The following RBM26 variants were observed in gnomAD, a reference collection of about 807,000 sequenced individuals.
The protein encoded by RBM26 is RNA binding motif protein 26.
RBM26 carries 30 observed loss-of-function variants against 123.6 expected under a neutral mutation model. The ratio of observed to expected loss-of-function variants is 0.24; its 90% CI spans 0.18 to 0.33. RBM26 has a LOEUF of 0.33. Ranked by LOEUF, RBM26 falls within the 10% of genes least tolerant of loss-of-function variation. The probability of loss-of-function intolerance (pLI) is 1.00; values close to 1 mark genes in which losing one functional copy is unlikely to be tolerated. For missense variants in RBM26, 947 were observed against 1,203.6 expected (o/e 0.79, Z 3.15); for synonymous variants, 400 against 404.4 (o/e 0.99, Z 0.13).
At chr13:79,393,815 G>A (rs2140440153) in intron 1 of RBM26, among the ~76,000 whole-genome samples, 1 of 152,250 alleles carries the variant, frequency 6.6e-6, no homozygotes, top group South Asian at 2.1e-4. Flanking sequence ...GAATGATAGG[G>A]TTAAAGCCTA....
intron 1 of RBM26, among the ~76,000 whole-genome samples, chr13:79,384,750 A>G (rs1416269415): frequency 6.6e-6 from 1 of 152,244 alleles, no homozygotes; most frequent in African/African-American, 2.4e-5. Flanking sequence ...AAATATCTTT[A>G]AAAACTAAAT....
chr13:79,371,072 G>A lies in RBM26; in HGVS notation c.507C>T (p.Tyr169=), dbSNP rs367690374. ...PPRRDSYRDR[Y]NRRRGRSRSY... ...TGCGACTCCGCCCTCGTCTTCTATT[G>A]TACCGGTCTCTGTATGAATCTCTTC... The change falls in exon 5 of 22, where the codon TAC becomes TAT. Residue 169 remains tyrosine (Y), a synonymous_variant. Transcript: ENST00000438737. The A allele has an allele frequency of 1.5e-5, 25 of 1,613,950 alleles. No individual in the cohort carries two copies. In the African/African-American group the frequency reaches 2.9e-4, roughly 19 times the overall value.
In RBM26 at chr13:79,338,303, C is replaced by G. The variant is rs78382737; in HGVS notation, c.2533-1001G>C. ...ATGCTTTAAGATTCGAAAAGAACTT[C>G]AAAGATTTGCAGTGAATAACCCACT... is the stretch of plus-strand genomic sequence containing the variant. On this transcript the variant is annotated intron_variant, in intron 18 of 21. Coordinates refer to ENST00000438737, the MANE Select transcript of RBM26 (RefSeq NM_001366735.2). Among the ~76,000 whole-genome samples the G allele has an allele frequency of 8.7e-3, 1,319 of 152,228 alleles. 15 individuals carry two copies. The highest frequency in any genetic ancestry group is 0.03 in the African/African-American group (1,245 of 41,526).
intron 1 of RBM26, among the ~76,000 whole-genome samples, chr13:79,393,566 G>C (rs1223753527): frequency 6.6e-6 from 1 of 152,170 alleles, no homozygotes; most frequent in Non-Finnish European, 1.5e-5. Flanking sequence ...TTCCCTACTT[G>C]TAAGAGACCT....
intron 1 of RBM26, among the ~76,000 whole-genome samples, chr13:79,382,439 AAAG>A (rs1361887748): frequency 1.3e-5 from 2 of 152,134 alleles, no homozygotes; most frequent in Middle Eastern, 6.3e-3. Context: ...TCGGGGAAAA[AAAG>A]AATCAAGTTT....
At chr13:79,401,510 GAT>G (rs1326495184) in intron 1 of RBM26, among the ~76,000 whole-genome samples, 1 of 152,168 alleles carries the variant, frequency 6.6e-6, no homozygotes, top group East Asian at 1.9e-4. Flanking sequence ...AAAATGGAGA[GAT>G]AACAATGCTT....
At chr13:79,329,532 G>T (rs2068967231) in intron 20 of RBM26, among the ~76,000 whole-genome samples, 1 of 151,924 alleles carries the variant, frequency 6.6e-6, no homozygotes, top group Admixed American at 6.6e-5. Flanking sequence ...TGTTTAAAAT[G>T]AACCTAGAAC....
At position 79,319,948 on chromosome 13, in the gene RBM26, G is replaced by GA; in HGVS notation, c.*672_*673insT. On this transcript the variant is annotated 3_prime_UTR_variant, in exon 22 of 22. Coordinates refer to ENST00000438737, the MANE Select transcript of RBM26 (RefSeq NM_001366735.2). Reference sequence around the variant, plus strand: ...TTTTAAATCAAGGAACATTGTCTTGGCTTTTTTTTTTTTTTTTTTTTTGTC... The same window carrying GA: ...TTTTAAATCAAGGAACATTGTCTTGGACTTTTTTTTTTTTTTTTTTTTTGTC... 2.3e-6 allele frequency: 1 copy of GA among 438,100 alleles called. No individual in the cohort carries two copies. Among genetic ancestry groups the GA allele is most frequent in the Non-Finnish European group, 2.5e-6 (1 of 396,116 alleles). 27.1% of individuals were successfully genotyped at this position (438,100 alleles called of 1,614,324 possible). A position where few individuals can be genotyped will look rare whatever the true frequency, so the allele number is the denominator to read the frequency against.
chr13:79,360,153 CATT>C (rs377332834), intron 9 of RBM26, among the ~76,000 whole-genome samples: 22 of 152,094 alleles, frequency 1.4e-4, no homozygotes, highest in South Asian at 8.3e-4. Context: ...TATTATTAGA[CATT>C]GTTGTTTAGC....
At chr13:79,321,141 T>C (rs1416975103) in intron 21 of RBM26, among the ~76,000 whole-genome samples, 2 of 151,442 alleles carry the variant, frequency 1.3e-5, no homozygotes, top group East Asian at 3.9e-4. Flanking sequence ...TTCTGCTGTA[T>C]GCAACAAACA....
intron 6 of RBM26, among the ~76,000 whole-genome samples, chr13:79,368,404 T>C (rs1046280142): frequency 6.6e-6 from 1 of 152,208 alleles, no homozygotes; most frequent in Non-Finnish European, 1.5e-5. Context: ...TACAGTCCAA[T>C]AATCACTCAT....
intron 3 of RBM26, among the ~76,000 whole-genome samples, chr13:79,372,892 A>AAATAT (rs1491511001): frequency 0.037 from 3,197 of 86,672 alleles, 788 homozygotes; most frequent in Middle Eastern, 0.078. Flanking sequence ...TATGCTATAT[A>AAATAT]AAATATATCT....
chr13:79,402,633 C>T (rs1040122445), intron 1 of RBM26, among the ~76,000 whole-genome samples: 3 of 152,100 alleles, frequency 2.0e-5, no homozygotes, highest in Non-Finnish European at 4.4e-5. Context: ...ATTCCTCCAA[C>T]ATATCTTTTT....
intron 13 of RBM26, 69 bp from the exon 14 acceptor site, chr13:79,353,293 A>G: frequency 1.1e-6 from 1 of 880,706 alleles, no homozygotes; most frequent in South Asian, 1.5e-5. Flanking sequence ...GATCTTGAAC[A>G]TTCTGATTCT....
chr13:79,391,212 C>T (rs894773389), intron 1 of RBM26, among the ~76,000 whole-genome samples: 4 of 152,122 alleles, frequency 2.6e-5, no homozygotes, highest in Admixed American at 6.5e-5. Flanking sequence ...ATTTGTAGCA[C>T]GCATATAGTC....
At chr13:79,370,618 G>A (rs2182010) in intron 5 of RBM26, among the ~76,000 whole-genome samples, 73,230 of 152,016 alleles carry the variant, frequency 0.48, 18,194 homozygotes, top group East Asian at 0.72. Context: ...GTAGAATAGC[G>A]GACCCATATG....
downstream of RBM26, among the ~76,000 whole-genome samples, chr13:79,316,949 G>C (rs1434875231): frequency 6.6e-6 from 1 of 151,626 alleles, no homozygotes; most frequent in African/African-American, 2.4e-5. Context: ...AATTAAAAAT[G>C]TGTTTCTAGT....
chr13:79,401,511 A>T (rs1200664903), intron 1 of RBM26, among the ~76,000 whole-genome samples: 1 of 152,226 alleles, frequency 6.6e-6, no homozygotes, highest in Non-Finnish European at 1.5e-5. Flanking sequence ...AAATGGAGAG[A>T]TAACAATGCT....
chr13:79,331,375 C>T (rs1269554852), intron 20 of RBM26, among the ~76,000 whole-genome samples: 3 of 150,372 alleles, frequency 2.0e-5, no homozygotes, highest in Admixed American at 1.3e-4. Context: ...AACCCCAGCA[C>T]TTTGGGATGC....
Sources: allele counts gnomAD v4.1 joint callset (sites outside exome capture counted in the v4.1 genomes callset), GRCh38; gene constraint gnomAD v4.1.1; transcripts MANE v1.5; gene names NCBI Gene and HGNC (gene_info 2026-07-23, HGNC 2026-07-21).